The following ARHGEF28 variants were observed in gnomAD, a reference collection of about 807,000 sequenced individuals.
The protein encoded by ARHGEF28 is 190 kDa guanine nucleotide exchange factor.
ARHGEF28 carries 152 observed loss-of-function variants against 206.6 expected under a neutral mutation model. That is an observed-to-expected ratio of 0.74 (90% confidence interval 0.64 to 0.84). ARHGEF28 has a LOEUF of 0.84. Among genes scored for constraint, ARHGEF28 ranks in the 40% least tolerant of loss-of-function variants. ARHGEF28 has a pLI of 0.00. For synonymous variants in ARHGEF28, 763 were observed against 776.4 expected, an observed-to-expected ratio of 0.98 and a Z score of 0.29; for missense variants, 2,028 against 2,073.2, an observed-to-expected ratio of 0.98 and a Z score of 0.42.
At chr5:73,883,725 T>C in intron 23 of ARHGEF28, 42 bp from the exon 24 acceptor site, 1 of 1,323,824 alleles carries the variant, frequency 7.6e-7, no homozygotes, top group South Asian at 1.5e-5. Flanking sequence ...GAAAAGTAAA[T>C]ACAGGTAGAA....
chr5:73,701,268 T>C (rs1041009981), intron 2 of ARHGEF28, among the ~76,000 whole-genome samples: 1 of 152,210 alleles, frequency 6.6e-6, no homozygotes, highest in Non-Finnish European at 1.5e-5. Flanking sequence ...TATTTATGCA[T>C]GGATGGCAGG....
chr5:73,846,502 T>C, intron 12 of ARHGEF28, 27 bp downstream of exon 12: 2 of 1,593,158 alleles, frequency 1.3e-6, no homozygotes, highest in Non-Finnish European at 1.7e-6. Context: ...TAATTTGGTA[T>C]ATTGCAAGTG....
intron 2 of ARHGEF28, among the ~76,000 whole-genome samples, chr5:73,686,581 C>T (rs955721079): frequency 4.7e-5 from 7 of 147,468 alleles, no homozygotes; most frequent in South Asian, 2.1e-4. Context: ...TGCAGTGGTG[C>T]GGTCTCGGCT....
intron 9 of ARHGEF28, among the ~76,000 whole-genome samples, chr5:73,816,444 A>G (rs1391370229): frequency 1.3e-5 from 2 of 152,196 alleles, no homozygotes; most frequent in Non-Finnish European, 2.9e-5. Context: ...CTGAGAAATC[A>G]TGAAAGTGGC....
chr5:73,825,412 T>C (rs1446813900), intron 9 of ARHGEF28, among the ~76,000 whole-genome samples: 2 of 151,890 alleles, frequency 1.3e-5, no homozygotes, highest in Non-Finnish European at 2.9e-5. Flanking sequence ...AGGAGGCTTG[T>C]GGGGCTGGAG....
In ARHGEF28 at chr5:73,907,925, C is replaced by G. The variant is rs962397624; in HGVS notation, c.4162-1487C>G. On this transcript the variant is annotated intron_variant, in intron 33 of 35. Coordinates refer to ENST00000513042, the MANE Select transcript of ARHGEF28 (RefSeq NM_001177693.2). ...GAGTTATTGTCTGTGGTAGTTTTGA[C>G]ATATAAAGTATGGGATTTTTGTTTG... is the stretch of plus-strand genomic sequence containing the variant. Among the ~76,000 whole-genome samples, 58 of 152,124 alleles carry G rather than the reference C, an allele frequency of 3.8e-4. 1 individual carries two copies. The highest frequency in any genetic ancestry group is 5.9e-5 in the Non-Finnish European group (4 of 68,026).
At chr5:73,842,965 G>A (rs959055056) in intron 11 of ARHGEF28, among the ~76,000 whole-genome samples, 34 of 149,906 alleles carry the variant, frequency 2.3e-4, no homozygotes, top group African/African-American at 7.9e-4. Flanking sequence ...CCAGCCTGGG[G>A]GACGGAGTGA....
intron 4 of ARHGEF28, among the ~76,000 whole-genome samples, chr5:73,769,714 G>A (rs1753113779): frequency 6.6e-6 from 1 of 152,174 alleles, no homozygotes; most frequent in Admixed American, 6.5e-5. Context: ...GACTTTATTA[G>A]ATAATGTTGC....
intron 7 of ARHGEF28, among the ~76,000 whole-genome samples, chr5:73,784,232 A>AG (rs536784483): frequency 6.6e-6 from 1 of 152,042 alleles, no homozygotes; most frequent in South Asian, 2.1e-4. Context: ...AATGTGTAGT[A>AG]GGGGGGAAAC....
At chr5:73,816,002 A>G (rs1448799138) in intron 9 of ARHGEF28, among the ~76,000 whole-genome samples, 1 of 152,196 alleles carries the variant, frequency 6.6e-6, no homozygotes, top group Non-Finnish European at 1.5e-5. Context: ...CGAGCTGGAC[A>G]GAGTCCCAGC....
At chr5:73,641,780 T>C (rs1195548836) in intron 1 of ARHGEF28, among the ~76,000 whole-genome samples, 1 of 152,212 alleles carries the variant, frequency 6.6e-6, no homozygotes, top group East Asian at 1.9e-4. Flanking sequence ...AGGGAGTATC[T>C]GGTGACATTT....
intron 35 of ARHGEF28, among the ~76,000 whole-genome samples, chr5:73,933,720 G>A (rs538187335): frequency 2.2e-4 from 34 of 152,164 alleles, no homozygotes; most frequent in Admixed American, 1.4e-3. Context: ...CTCTTCTCTT[G>A]CATTGGGCTC....
Position 73,873,226 on chromosome 5 carries a change from G to A in ARHGEF28, c.2794G>A (p.Gly932Arg). The A allele has an allele frequency of 6.2e-7, 1 of 1,610,736 alleles. No individual in the cohort carries two copies. Among genetic ancestry groups the A allele is most frequent in the Non-Finnish European group, 8.5e-7 (1 of 1,178,292 alleles). ...SDRNFVIDRI[G>R]DILVQQFSEE... ...CAGGAATTTTGTGATCGACCGAATT[G>A]GAGATATTTTGGTACAACAGGTAAG... The change falls in exon 22 of 36, where the codon GGA becomes AGA. Residue 932 changes from glycine (G) to arginine (R), a missense_variant. Physicochemically the swap from Gly to Arg is moderately radical, Grantham distance 125. This residue lies in a region of ARHGEF28 where 223 missense variants were observed against 289.9 expected (regional missense o/e 0.77). Transcript: ENST00000513042.
At chr5:73,881,791 C>G (rs1017040387) in intron 22 of ARHGEF28, among the ~76,000 whole-genome samples, 5 of 152,174 alleles carry the variant, frequency 3.3e-5, no homozygotes, top group African/African-American at 1.2e-4. Flanking sequence ...AAGTTGATTT[C>G]TATGTGGATT....
Position 73,885,979 on chromosome 5 carries a change from A to G in ARHGEF28, c.3185A>G (p.Glu1062Gly). Residue 1062 changes from glutamate (E) to glycine (G), a missense_variant, in exon 25 of 36, where the codon GAA (glutamate) becomes GGA (glycine). Glu to Gly is a moderately conservative substitution (Grantham distance 98, BLOSUM62 -2). This residue lies in a region of ARHGEF28 where 223 missense variants were observed against 289.9 expected (regional missense o/e 0.77). Coordinates refer to ENST00000513042, the MANE Select transcript of ARHGEF28 (RefSeq NM_001177693.2). ...TGGCTTGAGATCCTAAATAAGATTG[A>G]AAACAAAACATACACGAAGCTCAAA... Reference protein sequence around the residue: ...QKWLEILNKIENKTYTKLKNG... With the variant: ...QKWLEILNKIGNKTYTKLKNG... The G allele has an allele frequency of 6.2e-7, 1 of 1,613,808 alleles. No individual in the cohort carries two copies. The highest frequency in any genetic ancestry group is 8.5e-7 in the Non-Finnish European group (1 of 1,179,802).
At chr5:73,744,946 AC>A (rs1230415204) in intron 2 of ARHGEF28, among the ~76,000 whole-genome samples, 1 of 152,082 alleles carries the variant, frequency 6.6e-6, no homozygotes, top group Non-Finnish European at 1.5e-5. Flanking sequence ...GGACATATAT[AC>A]ACACAAAAAA....
chr5:73,689,782 A>C (rs373946710), intron 2 of ARHGEF28, among the ~76,000 whole-genome samples: 12 of 148,154 alleles, frequency 8.1e-5, no homozygotes, highest in Admixed American at 1.3e-4. Context: ...GAAAAAACAA[A>C]AAAAAAAAAC....
chr5:73,734,383 C>T (rs1750790959), intron 2 of ARHGEF28, among the ~76,000 whole-genome samples: 1 of 152,050 alleles, frequency 6.6e-6, no homozygotes, highest in South Asian at 2.1e-4. Flanking sequence ...GCAGCATGCT[C>T]ACTGGTAATG....
intron 29 of ARHGEF28, among the ~76,000 whole-genome samples, chr5:73,894,984 G>C (rs1761877540): frequency 6.6e-6 from 1 of 152,150 alleles, no homozygotes; most frequent in Non-Finnish European, 1.5e-5. Context: ...GCTCGCCTGA[G>C]GAGCAGGCAG....
Sources: gnomAD v4.1 joint callset for allele counts (sites outside exome capture counted in the v4.1 genomes callset) on GRCh38, gnomAD v4.1.1 for gene constraint, gnomAD v4.1.1 regional missense constraint, MANE v1.5 for transcripts, NCBI Gene and HGNC (gene_info 2026-07-23, HGNC 2026-07-21) for gene names.